The following GSE1 variants were observed in gnomAD, a reference collection of about 807,000 sequenced individuals.
The protein encoded by GSE1 is genetic suppressor element 1.
A neutral mutation model predicts 112.6 loss-of-function variants in GSE1; 32 were observed. That is an observed-to-expected ratio of 0.28 (90% CI 0.21 to 0.38). The LOEUF (loss-of-function observed/expected upper bound fraction) is 0.38, where lower values mean the gene tolerates loss of function less well. Ranked by LOEUF, GSE1 falls within the 10% of genes least tolerant of loss-of-function variation. The pLI is 1.00. For synonymous variants in GSE1, 1,115 were observed against 735.6 expected (o/e 1.52, Z -8.35); for missense variants, 2,348 against 1,699.2 (o/e 1.38, Z -6.71).
intron 1 of GSE1, among the ~76,000 whole-genome samples, chr16:85,566,684 C>T (rs1466561727): frequency 6.6e-6 from 1 of 152,242 alleles, no homozygotes; most frequent in Non-Finnish European, 1.5e-5. Flanking sequence ...ACCCTCCCCA[C>T]CTCTTGTCAT....
At chr16:85,307,093 C>T (rs560851042) in intron 1 of GSE1, among the ~76,000 whole-genome samples, 8 of 150,968 alleles carry the variant, frequency 5.3e-5, no homozygotes, top group Non-Finnish European at 7.4e-5. Context: ...TTGTTCTGTG[C>T]TCTGGTCACA....
At chr16:85,437,650 G>A (rs987273475) in intron 2 of GSE1, among the ~76,000 whole-genome samples, 3 of 152,066 alleles carry the variant, frequency 2.0e-5, no homozygotes, top group Non-Finnish European at 2.9e-5. Flanking sequence ...CGCAGGAGCC[G>A]CCTGTCCTAC....
chr16:85,197,168 A>G (rs2074943485), intron 1 of GSE1, among the ~76,000 whole-genome samples: 1 of 152,020 alleles, frequency 6.6e-6, no homozygotes, highest in African/African-American at 2.4e-5. Context: ...CCTGGCGGGG[A>G]AGCCAGACAC....
At chr16:85,314,306 C>G (rs575526541) in intron 1 of GSE1, among the ~76,000 whole-genome samples, 1 of 152,326 alleles carries the variant, frequency 6.6e-6, no homozygotes, top group East Asian at 1.9e-4. Context: ...ATGCTGCCAC[C>G]TCCCAGGAGT....
chr16:85,217,932 T>C (rs987974474), intron 1 of GSE1, among the ~76,000 whole-genome samples: 2 of 152,098 alleles, frequency 1.3e-5, no homozygotes. Flanking sequence ...AACAGAGTCT[T>C]GTTCTGTTAC....
intron 2 of GSE1, among the ~76,000 whole-genome samples, chr16:85,637,972 G>T (rs2050140984): frequency 6.6e-6 from 1 of 152,178 alleles, no homozygotes; most frequent in African/African-American, 2.4e-5. Flanking sequence ...GGAGGTGGCA[G>T]GAGAGGTGGC....
chr16:85,336,828 C>CAT (rs2046497974), intron 1 of GSE1, among the ~76,000 whole-genome samples: 1 of 152,254 alleles, frequency 6.6e-6, no homozygotes, highest in Admixed American at 6.5e-5. Flanking sequence ...CATATGTATA[C>CAT]ATATGTCATG....
chr16:85,473,289 A>G (rs1301445895), intron 2 of GSE1, among the ~76,000 whole-genome samples: 1 of 152,162 alleles, frequency 6.6e-6, no homozygotes, highest in Non-Finnish European at 1.5e-5. Flanking sequence ...GGAAAGGTGC[A>G]AAGTGCTGTG....
intron 5 of GSE1, 136 bp downstream of exon 5, chr16:85,655,127 T>C (rs2051808002): frequency 3.0e-6 from 2 of 665,490 alleles, no homozygotes. Context: ...CCTGAAATCG[T>C]CCCCAGCTTT....
Position 85,671,028 on chromosome 16 carries a change from A to T in GSE1, c.3449A>T (p.Gln1150Leu). The change falls in exon 15 of 16, where the codon CAA (glutamine) becomes CTA (leucine). Residue 1150 changes from glutamine to leucine, a missense_variant. By Grantham distance (113) the Gln-to-Leu change is moderately radical (BLOSUM62 -2). Coordinates refer to ENST00000253458, the MANE Select transcript of GSE1 (RefSeq NM_014615.5). The stretch of plus-strand genomic sequence containing the variant: ...CTGGAGCGGCAGGTGTTACAGACAC[A>T]ATGTAGACGACTGGAGGCCCGGCAC... ...QNLERQVLQT[Q>L]CRRLEARHYS... 6.2e-7 allele frequency: 1 copy of T among 1,612,308 alleles called. No individual in the cohort carries two copies. Among genetic ancestry groups the T allele is most frequent in the Non-Finnish European group, 8.5e-7 (1 of 1,178,442 alleles).
chr16:85,666,377 C>T, intron 13 of GSE1, 30 bp downstream of exon 13: 2 of 1,611,860 alleles, frequency 1.2e-6, no homozygotes, highest in Non-Finnish European at 1.7e-6. Context: ...CTGCTCAGCT[C>T]TCGGCTGTGG....
intron 2 of GSE1, among the ~76,000 whole-genome samples, chr16:85,408,581 A>AG (rs1405269860): frequency 6.7e-5 from 1 of 15,012 alleles, no homozygotes; most frequent in Admixed American, 5.8e-4. Context: ...TGTTACACTC[A>AG]GGCCCCCCTG....
chr16:85,248,013 C>T (rs1349597804), intron 1 of GSE1, among the ~76,000 whole-genome samples: 1 of 152,230 alleles, frequency 6.6e-6, no homozygotes, highest in African/African-American at 2.4e-5. Context: ...AGGGGTGACC[C>T]TGGCTTTAAA....
At chr16:85,500,697 T>A (rs1250772292) in intron 2 of GSE1, among the ~76,000 whole-genome samples, 2 of 152,174 alleles carry the variant, frequency 1.3e-5, no homozygotes, top group African/African-American at 4.8e-5. Context: ...CCCATCAGTG[T>A]CCCATGGCTG....
chr16:85,354,626 G>A (rs1472817097), intron 1 of GSE1, among the ~76,000 whole-genome samples: 1 of 152,220 alleles, frequency 6.6e-6, no homozygotes, highest in Non-Finnish European at 1.5e-5. Flanking sequence ...GGTGGACAGG[G>A]GTCGAGACTG....
At chr16:85,384,713 G>T (rs8182104) in intron 2 of GSE1, among the ~76,000 whole-genome samples, 2 of 152,066 alleles carry the variant, frequency 1.3e-5, no homozygotes, top group Non-Finnish European at 1.5e-5. Flanking sequence ...CTGTTCTTCA[G>T]GGACCTTGAT....
chr16:85,618,416 G>T (rs141259530), intron 1 of GSE1, among the ~76,000 whole-genome samples: 27 of 152,326 alleles, frequency 1.8e-4, no homozygotes, highest in Admixed American at 3.9e-4. Context: ...GGAGCGTGGG[G>T]TGAGCCCCTG....
chr16:85,204,630 G>A (rs573689373), intron 1 of GSE1, among the ~76,000 whole-genome samples: 61 of 152,364 alleles, frequency 4.0e-4, no homozygotes, highest in African/African-American at 1.4e-3. Context: ...GCGTGAAGTG[G>A]TGTCTCCTGG....
chr16:85,173,093 G>A (rs1017564631), intron 1 of GSE1, among the ~76,000 whole-genome samples: 1 of 152,244 alleles, frequency 6.6e-6, no homozygotes, highest in African/African-American at 2.4e-5. Context: ...GCATATAGCA[G>A]TGCAGCCCCT....
Sources: allele counts gnomAD v4.1 joint callset (sites outside exome capture counted in the v4.1 genomes callset), GRCh38; gene constraint gnomAD v4.1.1; transcripts MANE v1.5; gene names NCBI Gene and HGNC (gene_info 2026-07-23, HGNC 2026-07-21).